The following CACNA1C variants were observed in gnomAD, a reference collection of about 807,000 sequenced individuals.
The protein encoded by CACNA1C is calcium voltage-gated channel subunit alpha1 C.
CACNA1C carries 30 observed loss-of-function variants against 229.0 expected under a neutral mutation model. The observed-to-expected ratio is 0.13, with a 90% confidence interval of 0.10 to 0.18. CACNA1C has a LOEUF of 0.18. CACNA1C is among the 10% of genes least tolerant of loss of function. The pLI, the probability that CACNA1C is intolerant of heterozygous loss-of-function variation, is 1.00. For synonymous variants in CACNA1C, 1,114 were observed against 1,132.5 expected (o/e 0.98, Z 0.33); for missense variants, 1,658 against 2,845.0 (o/e 0.58, Z 9.49).
At chr12:2,267,549 G>A (rs1048896255) in intron 3 of CACNA1C, among the ~76,000 whole-genome samples, 26 of 152,280 alleles carry the variant, frequency 1.7e-4, no homozygotes, top group African/African-American at 5.3e-4. Flanking sequence ...CTCTCATAAC[G>A]GCCTCCAGCC....
At chr12:2,411,418 T>C (rs2098806261) in intron 3 of CACNA1C, among the ~76,000 whole-genome samples, 1 of 151,792 alleles carries the variant, frequency 6.6e-6, no homozygotes, top group Admixed American at 6.6e-5. Context: ...AATGTTACGG[T>C]TCTATTTTTC....
At position 2,139,168 on chromosome 12, in the gene CACNA1C, G is replaced by A. The variant is rs762639566; in HGVS notation, c.477+18738G>A. On this transcript the variant is annotated intron_variant, in intron 3 of 46. Transcript: ENST00000399655. ...CTGGGCACTCTGAGGAGTGTGTTCCGTGCTCCTGCCCTGGCTCCAGTGTTG... is the reference window on the plus strand; with the variant it reads ...CTGGGCACTCTGAGGAGTGTGTTCCATGCTCCTGCCCTGGCTCCAGTGTTG... Among the ~76,000 whole-genome samples the A allele has an allele frequency of 1.6e-4, 24 of 150,918 alleles. 2 individuals carry two copies. The highest frequency in any genetic ancestry group is 5.1e-4 in the African/African-American group (21 of 41,292).
chr12:2,553,516 G>A (rs754630877), intron 10 of CACNA1C, among the ~76,000 whole-genome samples: 1 of 152,208 alleles, frequency 6.6e-6, no homozygotes, highest in Non-Finnish European at 1.5e-5. Flanking sequence ...GTGAGTCGTC[G>A]AGAGGATGCT....
At chr12:2,062,597 G>T (rs941135249) in intron 1 of CACNA1C, among the ~76,000 whole-genome samples, 2 of 152,176 alleles carry the variant, frequency 1.3e-5, no homozygotes, top group African/African-American at 4.8e-5. Flanking sequence ...CTTGATGGCT[G>T]CATGTTGTCG....
At chr12:2,506,037 G>A (rs1352679203) in intron 8 of CACNA1C, among the ~76,000 whole-genome samples, 1 of 152,172 alleles carries the variant, frequency 6.6e-6, no homozygotes, top group Non-Finnish European at 1.5e-5. Context: ...CCCTAATGCA[G>A]TTCAGAGCAG....
intron 1 of CACNA1C, among the ~76,000 whole-genome samples, chr12:1,987,563 C>T (rs781589081): frequency 8.5e-5 from 13 of 152,254 alleles, no homozygotes; most frequent in Middle Eastern, 3.4e-3. Context: ...ATTACATCTA[C>T]GACAGTTCTT....
chr12:2,682,145 T>C (rs2097179915), intron 42 of CACNA1C: 1 of 736,174 alleles, frequency 1.4e-6, no homozygotes, highest in East Asian at 2.5e-5. Flanking sequence ...TTCTCAGCTA[T>C]GCCAAATGCC....
chr12:2,562,392 T>C (rs1004311843), intron 11 of CACNA1C, among the ~76,000 whole-genome samples: 3 of 152,268 alleles, frequency 2.0e-5, no homozygotes, highest in African/African-American at 7.2e-5. Context: ...TGTATCTATT[T>C]AAAACATGTT....
intron 3 of CACNA1C, among the ~76,000 whole-genome samples, chr12:2,344,368 T>C (rs1294257306): frequency 6.6e-6 from 1 of 152,098 alleles, no homozygotes; most frequent in African/African-American, 2.4e-5. Context: ...ATTTTCACAG[T>C]ATCTTTGTGA....
At chr12:2,120,510 G>A in intron 3 of CACNA1C, 80 bp downstream of exon 3, 1 of 848,878 alleles carries the variant, frequency 1.2e-6, no homozygotes, top group Non-Finnish European at 2.1e-6. Context: ...ATGGAATGTG[G>A]GAGAGAAGTG....
intron 3 of CACNA1C, among the ~76,000 whole-genome samples, chr12:2,351,931 C>T (rs144089759): frequency 2.6e-5 from 4 of 152,312 alleles, no homozygotes; most frequent in South Asian, 2.1e-4. Context: ...GAGGACAAAG[C>T]CAGGATTCCG....
At chr12:2,256,047 C>CTAG (rs2077485054) in intron 3 of CACNA1C, among the ~76,000 whole-genome samples, 1 of 18,932 alleles carries the variant, frequency 5.3e-5, no homozygotes, top group Non-Finnish European at 1.3e-4. Flanking sequence ...GACCTGACTA[C>CTAG]TTTACAATCA....
In CACNA1C at chr12:2,677,979, G is replaced by A; in HGVS notation, c.5091+112G>A. On this transcript the variant is annotated intron_variant, in intron 41 of 46. Coordinates refer to ENST00000399655, the MANE Select transcript of CACNA1C (RefSeq NM_000719.7). The surrounding 1 kb of genome is among the most constrained non-coding windows in gnomAD (Gnocchi z 7.4). ...GGGGAAGGAGCTGCACCAGAGGAAA[G>A]GGCTACTTCCAGGCTCTTCCTGATG... 2 of 1,268,598 alleles carry A rather than the reference G, an allele frequency of 1.6e-6. No homozygotes were observed. Among genetic ancestry groups the A allele is most frequent in the Non-Finnish European group, 2.2e-6 (2 of 893,620 alleles). The allele number at this position is 1,268,598 out of a possible 1,614,324, so 78.6% of individuals were successfully genotyped here.
Position 2,277,394 on chromosome 12 carries a change from C to G in CACNA1C, c.477+156964C>G, listed in dbSNP as rs1423515331. Among the ~76,000 whole-genome samples the G allele has an allele frequency of 5.0e-5, 7 of 139,720 alleles. No individual in the cohort carries two copies. In the South Asian group the frequency reaches 1.7e-3, roughly 33 times the overall value. 91.7% of individuals were successfully genotyped at this position (139,720 alleles called of 152,430 possible). A position where few individuals can be genotyped will look rare whatever the true frequency, so the allele number is the denominator to read the frequency against. ...ACACACACACACACACACACACACA[C>G]ACACACACACACACACACACACACA... On this transcript the variant is annotated intron_variant, in intron 3 of 46. Transcript: ENST00000399655.
At position 2,317,218 on chromosome 12, in the gene CACNA1C, G is replaced by A. The variant is rs79989955; in HGVS notation, c.478-131758G>A. 1.6e-4 allele frequency among the ~76,000 whole-genome samples: 25 copies of A among 152,280 alleles called. No homozygotes were observed. The East Asian group carries it at 1.9e-3, about 12-fold the overall frequency. ...AAGAGATATTCGCACACCCATGTTC[G>A]TGGTAGCATCACTCACAAAAGCCAA... On this transcript the variant is annotated intron_variant, in intron 3 of 46. Coordinates refer to ENST00000399655, the MANE Select transcript of CACNA1C (RefSeq NM_000719.7).
At chr12:2,230,227 C>A (rs1319055054) in intron 3 of CACNA1C, among the ~76,000 whole-genome samples, 1 of 152,110 alleles carries the variant, frequency 6.6e-6, no homozygotes, top group Non-Finnish European at 1.5e-5. Flanking sequence ...GCGGGCCTGG[C>A]GCGTCTAGCT....
intron 3 of CACNA1C, among the ~76,000 whole-genome samples, chr12:2,438,273 T>C (rs1343338132): frequency 6.6e-5 from 9 of 136,286 alleles, no homozygotes; most frequent in Non-Finnish European, 1.3e-4. Context: ...GTGGTGGTGG[T>C]AATGATAGTG....
chr12:2,096,697 T>C (rs1429006540), intron 1 of CACNA1C, among the ~76,000 whole-genome samples: 1 of 152,214 alleles, frequency 6.6e-6, no homozygotes. Context: ...CTCTAGAACT[T>C]TTTGTCATTC....
At chr12:2,173,628 C>T (rs1014047031) in intron 3 of CACNA1C, among the ~76,000 whole-genome samples, 8 of 151,978 alleles carry the variant, frequency 5.3e-5, no homozygotes, top group East Asian at 1.9e-4. Flanking sequence ...CTGCTGGGAG[C>T]GGGACTCCCT....
Sources: gnomAD v4.1 joint callset for allele counts (sites outside exome capture counted in the v4.1 genomes callset) on GRCh38, gnomAD v4.1.1 for gene constraint, Gnocchi (gnomAD v3.1) non-coding constraint, MANE v1.5 for transcripts, NCBI Gene and HGNC (gene_info 2026-07-23, HGNC 2026-07-21) for gene names.